Variants in NOL4 observed in about 807,000 individuals in gnomAD.
NOL4 encodes the protein cancer/testis antigen 125.
In NOL4, 17 loss-of-function variants were observed where a neutral mutation model predicts 75.9. The observed-to-expected ratio is 0.22, with a 90% CI of 0.15 to 0.34. The LOEUF (loss-of-function observed/expected upper bound fraction) is 0.34, where lower values mean the gene tolerates loss of function less well. Ranked by LOEUF, NOL4 falls within the 10% of genes least tolerant of loss-of-function variation. The pLI is 1.00. For missense variants in NOL4, 614 were observed against 793.5 expected (o/e 0.77, Z 2.72); for synonymous variants, 292 against 289.9 (o/e 1.01, Z -0.07).
intron 6 of NOL4, among the ~76,000 whole-genome samples, chr18:34,008,363 A>ATCTG (rs1165388693): frequency 1.2e-3 from 149 of 119,980 alleles, no homozygotes; most frequent in African/African-American, 3.3e-3. Flanking sequence ...ATCACTTTCT[A>ATCTG]TCTGTCTGTC....
intron 5 of NOL4, among the ~76,000 whole-genome samples, chr18:34,049,777 C>T (rs1568274207): frequency 6.6e-6 from 1 of 152,134 alleles, no homozygotes; most frequent in Non-Finnish European, 1.5e-5. Flanking sequence ...ATATCATCTA[C>T]ATCTATTCTT....
At chr18:34,051,742 G>T (rs899346684) in intron 5 of NOL4, among the ~76,000 whole-genome samples, 1 of 152,086 alleles carries the variant, frequency 6.6e-6, no homozygotes, top group East Asian at 1.9e-4. Context: ...CAAACAGAAA[G>T]AAATGTCTAC....
intron 9 of NOL4, among the ~76,000 whole-genome samples, chr18:33,890,746 A>G (rs549757379): frequency 3.9e-5 from 6 of 152,156 alleles, no homozygotes; most frequent in Non-Finnish European, 7.4e-5. Context: ...ATTAAAAATG[A>G]TATTTCAACA....
chr18:34,038,419 G>A (rs2076005090), intron 5 of NOL4, among the ~76,000 whole-genome samples: 1 of 152,004 alleles, frequency 6.6e-6, no homozygotes, highest in African/African-American at 2.4e-5. Context: ...AGTATATCAA[G>A]AGGATACCTA....
chr18:33,952,398 T>C (rs893657093), intron 8 of NOL4, among the ~76,000 whole-genome samples: 1 of 152,130 alleles, frequency 6.6e-6, no homozygotes, highest in African/African-American at 2.4e-5. Flanking sequence ...TCTCATATGA[T>C]GAACTAAGGT....
chr18:33,989,365 G>A (rs1029419780), intron 6 of NOL4, among the ~76,000 whole-genome samples: 2 of 151,806 alleles, frequency 1.3e-5, no homozygotes, highest in East Asian at 3.9e-4. Flanking sequence ...AAAAAAATAC[G>A]AAAAATTTAT....
intron 2 of NOL4, among the ~76,000 whole-genome samples, chr18:34,124,367 G>A (rs903409368): frequency 2.0e-5 from 3 of 152,096 alleles, no homozygotes; most frequent in African/African-American, 7.2e-5. Context: ...TGTGCCTAGA[G>A]AGTATTTTTT....
chr18:33,901,890 A>C (rs2065768223), intron 9 of NOL4, among the ~76,000 whole-genome samples: 2 of 152,218 alleles, frequency 1.3e-5, no homozygotes, highest in South Asian at 4.1e-4. Context: ...GTAGAAAGGA[A>C]CCAGTAAGTA....
intron 5 of NOL4, among the ~76,000 whole-genome samples, chr18:34,028,489 T>G (rs761907045): frequency 1.3e-5 from 2 of 152,204 alleles, no homozygotes; most frequent in South Asian, 2.1e-4. Context: ...ACTGCATTGA[T>G]AGCCACACAA....
chr18:34,098,513 C>T (rs1411680307), intron 4 of NOL4, among the ~76,000 whole-genome samples: 2 of 152,044 alleles, frequency 1.3e-5, no homozygotes, highest in Non-Finnish European at 2.9e-5. Context: ...CTAGCCTATG[C>T]CAGAAGTAAC....
chr18:34,059,568 C>T (rs1265971630), intron 5 of NOL4, among the ~76,000 whole-genome samples: 1 of 152,096 alleles, frequency 6.6e-6, no homozygotes, highest in African/African-American at 2.4e-5. Flanking sequence ...TAAACACTGT[C>T]GCTTGGGATC....
intron 6 of NOL4, among the ~76,000 whole-genome samples, chr18:33,974,469 G>A (rs577332728): frequency 1.3e-5 from 2 of 152,242 alleles, no homozygotes; most frequent in South Asian, 4.1e-4. Context: ...CAAGGAGAGG[G>A]AGAGAGATGG....
intron 2 of NOL4, among the ~76,000 whole-genome samples, chr18:34,116,709 CAA>C (rs1020472511): frequency 2.9e-4 from 44 of 152,004 alleles, no homozygotes; most frequent in African/African-American, 1.0e-3. Context: ...AATTTAATAA[CAA>C]ATTGTTGTTT....
At chr18:34,106,090 G>A (rs191455568) in intron 2 of NOL4, among the ~76,000 whole-genome samples, 284 of 152,110 alleles carry the variant, frequency 1.9e-3, no homozygotes, top group Non-Finnish European at 3.0e-3. Flanking sequence ...ATAAGCAATA[G>A]GAATAAATGA....
At chr18:34,206,368 T>C (rs1404044521) in intron 1 of NOL4, among the ~76,000 whole-genome samples, 1 of 152,180 alleles carries the variant, frequency 6.6e-6, no homozygotes, top group East Asian at 1.9e-4. Context: ...TTTACATTAC[T>C]GAAGCTCCAG....
intron 1 of NOL4, among the ~76,000 whole-genome samples, chr18:34,141,285 TC>T (rs1195078909): frequency 6.6e-6 from 1 of 152,060 alleles, no homozygotes. Flanking sequence ...TTCAATGCCA[TC>T]CCCATCAAGC....
chr18:34,093,122 C>T (rs1216256706), intron 5 of NOL4, among the ~76,000 whole-genome samples: 6 of 151,948 alleles, frequency 3.9e-5, no homozygotes, highest in African/African-American at 9.7e-5. Context: ...TTAATTTAGT[C>T]GGAAGAATGA....
At chr18:34,188,125 T>C (rs906111269) in intron 1 of NOL4, among the ~76,000 whole-genome samples, 8 of 152,232 alleles carry the variant, frequency 5.3e-5, no homozygotes, top group Non-Finnish European at 8.8e-5. Context: ...CCATGTTAAT[T>C]ACAGGCGTTT....
rs916560507 is a variant in NOL4, at chr18:33,881,711, G to T, written c.1723+1533C>A. On this transcript the variant is annotated intron_variant, in intron 10 of 10. Coordinates refer to ENST00000261592, the MANE Select transcript of NOL4 (RefSeq NM_003787.5). The stretch of plus-strand genomic sequence containing the variant: ...CAGAATTGGAACAAACTACTTTAAA[G>T]TTCATATGGAACCAAAAACGAGCCC... 2.0e-5 allele frequency among the ~76,000 whole-genome samples: 3 copies of T among 152,032 alleles called. No individual in the cohort carries two copies. The East Asian group carries it at 5.8e-4, about 29-fold the overall frequency.
Sources: allele counts gnomAD v4.1 joint callset (sites outside exome capture counted in the v4.1 genomes callset), GRCh38; gene constraint gnomAD v4.1.1; transcripts MANE v1.5; gene names NCBI Gene and HGNC (gene_info 2026-07-23, HGNC 2026-07-21).